ANKRD44: variants seen among roughly 807,000 people sequenced by gnomAD.
The protein encoded by ANKRD44 is serine/threonine-protein phosphatase 6 regulatory ankyrin repeat subunit B.
In ANKRD44, 35 loss-of-function variants were observed where a neutral mutation model predicts 116.0. The observed-to-expected ratio is 0.30, with a 90% CI of 0.23 to 0.40. ANKRD44 has a LOEUF of 0.40. Ranked by LOEUF, ANKRD44 falls within the 10% of genes least tolerant of loss-of-function variation. The pLI is 1.00. For missense variants in ANKRD44, 1,014 were observed against 1,242.6 expected (o/e 0.82, Z 2.77); for synonymous variants, 435 against 461.8 (o/e 0.94, Z 0.74).
intron 17 of ANKRD44, among the ~76,000 whole-genome samples, chr2:197,023,526 T>C (rs536473056): frequency 5.3e-5 from 8 of 151,666 alleles, no homozygotes; most frequent in Non-Finnish European, 1.2e-4. Flanking sequence ...CAGCAACCCA[T>C]AGAGTTTAGC....
intron 1 of ANKRD44, among the ~76,000 whole-genome samples, chr2:197,307,547 C>T (rs551832201): frequency 3.9e-3 from 192 of 49,758 alleles, no homozygotes; most frequent in African/African-American, 0.01. Context: ...TCCTTTTTTA[C>T]AGTGAAAAAA....
intron 4 of ANKRD44, among the ~76,000 whole-genome samples, chr2:197,130,779 A>G (rs563585260): frequency 5.9e-5 from 9 of 152,294 alleles, no homozygotes; most frequent in African/African-American, 2.2e-4. Flanking sequence ...AGCCCACAAT[A>G]ATGATCATGT....
chr2:197,248,958 C>A (rs2082257808), intron 1 of ANKRD44, among the ~76,000 whole-genome samples: 1 of 152,150 alleles, frequency 6.6e-6, no homozygotes, highest in African/African-American at 2.4e-5. Flanking sequence ...GTGTGGTATA[C>A]AGCTGATCTT....
chr2:197,028,085 T>TA (rs1467321586), intron 16 of ANKRD44, among the ~76,000 whole-genome samples: 12 of 152,136 alleles, frequency 7.9e-5, no homozygotes, highest in Non-Finnish European at 1.5e-4. Context: ...GTGACTCTGA[T>TA]AAAAGCCATT....
At chr2:196,993,001 A>G (rs16860203) in intron 27 of ANKRD44, among the ~76,000 whole-genome samples, 6,194 of 152,290 alleles carry the variant, frequency 0.041, 392 homozygotes, top group African/African-American at 0.14. Context: ...CTTAGGAAGC[A>G]GAGTAGAAAG....
chr2:197,005,129 G>T (rs372318300), intron 21 of ANKRD44, among the ~76,000 whole-genome samples: 59 of 152,058 alleles, frequency 3.9e-4, no homozygotes, highest in Non-Finnish European at 7.8e-4. Flanking sequence ...AGTAGGTTTA[G>T]AAATGGAAAC....
At chr2:197,060,708 G>A (rs945369970) in intron 16 of ANKRD44, among the ~76,000 whole-genome samples, 7 of 151,990 alleles carry the variant, frequency 4.6e-5, no homozygotes, top group African/African-American at 1.7e-4. Context: ...TCAGCTCCTG[G>A]CAACCCCCAT....
chr2:197,026,815 T>C (rs574869293), intron 16 of ANKRD44, among the ~76,000 whole-genome samples: 39 of 151,682 alleles, frequency 2.6e-4, no homozygotes, highest in Non-Finnish European at 4.7e-4. Context: ...CAAGAAGCAG[T>C]GGAGATGAGA....
chr2:197,064,553 ACTCAT>A (rs1229534323), intron 16 of ANKRD44, among the ~76,000 whole-genome samples: 1 of 152,270 alleles, frequency 6.6e-6, no homozygotes, highest in East Asian at 1.9e-4. Context: ...TATTCAGGAG[ACTCAT>A]CTCATGTGCA....
chr2:197,271,079 T>A (rs1360326730), intron 1 of ANKRD44, among the ~76,000 whole-genome samples: 3 of 152,226 alleles, frequency 2.0e-5, no homozygotes, highest in Admixed American at 2.0e-4. Context: ...CTTGAAATTC[T>A]TAAAGATTTT....
chr2:197,181,022 G>A (rs2080491254), intron 2 of ANKRD44, among the ~76,000 whole-genome samples: 1 of 151,876 alleles, frequency 6.6e-6, no homozygotes, highest in Admixed American at 6.6e-5. Context: ...AATTCCTGTA[G>A]TCAAGAATGG....
At chr2:197,173,014 T>C (rs951292075) in intron 2 of ANKRD44, among the ~76,000 whole-genome samples, 25 of 152,224 alleles carry the variant, frequency 1.6e-4, no homozygotes, top group Non-Finnish European at 1.5e-4. Flanking sequence ...TTTAAAATTG[T>C]TTTTCCATAC....
downstream of ANKRD44, among the ~76,000 whole-genome samples, chr2:196,985,567 G>A (rs918405317): frequency 2.0e-5 from 3 of 152,146 alleles, no homozygotes; most frequent in Non-Finnish European, 4.4e-5. Flanking sequence ...AGATGGCATC[G>A]AAGAGAGAAC....
chr2:196,989,718 T>G (rs1248422544), intron 27 of ANKRD44, 69 bp from the exon 28 acceptor site: 3 of 1,541,620 alleles, frequency 1.9e-6, no homozygotes, highest in Non-Finnish European at 1.8e-6. Context: ...GCAATCGGTT[T>G]TACATGCTAA....
intron 13 of ANKRD44, among the ~76,000 whole-genome samples, chr2:197,086,122 A>G (rs1187921882): frequency 1.3e-5 from 2 of 151,918 alleles, no homozygotes; most frequent in African/African-American, 2.4e-5. Context: ...GGGTACATGT[A>G]GAAAGGAAGG....
chr2:197,259,752 C>G (rs533067739), intron 1 of ANKRD44, among the ~76,000 whole-genome samples: 8 of 152,184 alleles, frequency 5.3e-5, no homozygotes, highest in Non-Finnish European at 7.3e-5. Flanking sequence ...GTAGAGGGAG[C>G]CTGCCTTCTC....
intron 27 of ANKRD44, chr2:196,990,692 C>A: frequency 8.1e-7 from 1 of 1,232,140 alleles, no homozygotes. Context: ...AAAACGTTTC[C>A]GAATCAGAAT....
At chr2:197,043,945 A>C (rs1428811105) in intron 16 of ANKRD44, among the ~76,000 whole-genome samples, 4 of 152,226 alleles carry the variant, frequency 2.6e-5, no homozygotes, top group Admixed American at 2.6e-4. Flanking sequence ...AATTAAAGTA[A>C]TTATACTAGA....
chr2:197,063,782 T>G (rs535561828), intron 16 of ANKRD44, among the ~76,000 whole-genome samples: 2 of 152,150 alleles, frequency 1.3e-5, no homozygotes, highest in East Asian at 3.9e-4. Flanking sequence ...GAACAAAGCC[T>G]CCAAGAAATA....
Sources: allele counts gnomAD v4.1 joint callset (sites outside exome capture counted in the v4.1 genomes callset), GRCh38; gene constraint gnomAD v4.1.1; transcripts MANE v1.5; gene names NCBI Gene and HGNC (gene_info 2026-07-23, HGNC 2026-07-21).